Variants in PARP10 observed in about 807,000 individuals in gnomAD.
PARP10 encodes poly(ADP-ribose) polymerase family member 10.
PARP10 carries 56 observed loss-of-function variants against 82.4 expected under a neutral mutation model. The ratio of observed to expected loss-of-function variants is 0.68; its 90% CI spans 0.55 to 0.85. The LOEUF (loss-of-function observed/expected upper bound fraction) is 0.85, where lower values mean the gene tolerates loss of function less well. PARP10 is among the 40% of genes least tolerant of loss of function. The probability of loss-of-function intolerance (pLI) is 0.00; values close to 1 mark genes in which losing one functional copy is unlikely to be tolerated. For synonymous variants in PARP10, 576 were observed against 601.1 expected (o/e 0.96, Z 0.61); for missense variants, 1,227 against 1,379.4 (o/e 0.89, Z 1.75).
rs782812150 is a variant in PARP10, at chr8:143,983,341, G to C, written c.2248C>G (p.Leu750Val). 5 of 1,610,024 alleles carry C rather than the reference G, an allele frequency of 3.1e-6. No homozygotes were observed. The African/African-American group carries it at 6.7e-5, about 21-fold the overall frequency. Residue 750 changes from leucine to valine, a missense_variant, in exon 8 of 11, where the codon CTG (leucine) becomes GTG (valine). Leu to Val is a conservative substitution (Grantham distance 32). Transcript: ENST00000313028. ...GPWRRTLPAE[L>V]RARLERCHGV... Reference sequence around the variant, plus strand: ...TGGCACCGCTCCAGGCGAGCACGCAGCTCTGCAGGCAGTGTGCGGCGCCAG... The same window carrying C: ...TGGCACCGCTCCAGGCGAGCACGCACCTCTGCAGGCAGTGTGCGGCGCCAG...
upstream of PARP10, chr8:143,992,600 T>C: frequency 6.2e-7 from 1 of 1,614,132 alleles, no homozygotes; most frequent in Non-Finnish European, 8.5e-7. Flanking sequence ...CGCTCTGCTC[T>C]TCACCTGCGT....
At chr8:143,991,197 T>C (rs113143709), upstream of PARP10, 4 of 1,531,258 alleles carry the variant, frequency 2.6e-6, no homozygotes, top group South Asian at 5.0e-5. Context: ...CTGTCTTCTC[T>C]AGGGGCGGAC....
chr8:143,984,737 C>G lies in PARP10; in HGVS notation c.1265G>C (p.Gly422Ala). ...GLVGPMEITM[G>A]SLEKAGPVSP... ...CACAGGCCCTGCCTTCTCCAGAGAC[C>G]CCATGGTGATCTCCATGGGACCCAC... The change falls in exon 5 of 11, where the codon GGG (glycine) becomes GCG (alanine). Residue 422 changes from glycine (G) to alanine (A), a missense_variant. Transcript: ENST00000313028. 1 of 1,613,624 alleles carries G rather than the reference C, an allele frequency of 6.2e-7. No individual in the cohort carries two copies. The highest frequency in any genetic ancestry group is 1.6e-4 in the Middle Eastern group (1 of 6,062).
upstream of PARP10, among the ~76,000 whole-genome samples, chr8:143,994,523 C>T (rs1484256045): frequency 6.6e-6 from 1 of 152,238 alleles, no homozygotes; most frequent in African/African-American, 2.4e-5. Flanking sequence ...GCCCTGCCAT[C>T]TGCCCACTGG....
chr8:143,994,330 C>T (rs563767198), upstream of PARP10, among the ~76,000 whole-genome samples: 31 of 152,340 alleles, frequency 2.0e-4, no homozygotes, highest in East Asian at 5.4e-3. Context: ...CAGGGGCTGC[C>T]CCGCTTCCCT....
intron 1 of PARP10, among the ~76,000 whole-genome samples, chr8:143,998,360 C>G (rs1554751446): frequency 6.6e-6 from 1 of 152,202 alleles, no homozygotes; most frequent in South Asian, 2.1e-4. Context: ...AACCCAGACT[C>G]CGCTCAGCTC....
At chr8:143,983,969 G>A in intron 7 of PARP10, 39 bp downstream of exon 7, 2 of 1,488,786 alleles carry the variant, frequency 1.3e-6, no homozygotes, top group Non-Finnish European at 1.8e-6. Context: ...GGTCAAGTGA[G>A]GGCCACAGGA....
chr8:143,989,997 GC>G (rs1210369333), upstream of PARP10: 9 of 132,222 alleles, frequency 6.8e-5, no homozygotes, highest in Non-Finnish European at 1.6e-5. The surrounding 1 kb of genome is among the most constrained non-coding windows in gnomAD (Gnocchi z 4.3). Flanking sequence ...CGGAAGCCCC[GC>G]CCACCTGCCC....
At chr8:143,992,189 G>A (rs782251460), upstream of PARP10, 34 of 1,600,010 alleles carry the variant, frequency 2.1e-5, no homozygotes, top group African/African-American at 3.7e-4. Flanking sequence ...GGCAGGGGCC[G>A]GCAGGGGTGG....
chr8:143,984,137 C>G (rs1480319108), intron 6 of PARP10, 33 bp from the exon 7 acceptor site: 28 of 1,565,334 alleles, frequency 1.8e-5, no homozygotes, highest in Non-Finnish European at 2.3e-5. Context: ...CCACTAGCCT[C>G]TGGGCAAGGG....
Position 143,984,892 on chromosome 8 carries a change from C to T in PARP10, c.1110G>A (p.Leu370=). ...GGCTCATGGGCCCCTCCTGTTCCTG[C>T]AACCCCACAGGCCTCAGGCTTACCA... ...EGLVSLRPVG[L]QEQEGPMSLG... The change falls in exon 5 of 11, where the codon TTG becomes TTA. Residue 370 remains leucine (L), a synonymous_variant. Coordinates refer to ENST00000313028, the MANE Select transcript of PARP10 (RefSeq NM_032789.5). 6.2e-7 allele frequency: 1 copy of T among 1,613,822 alleles called. No homozygotes were observed. The highest frequency in any genetic ancestry group is 8.5e-7 in the Non-Finnish European group (1 of 1,179,936).
At position 143,984,342 on chromosome 8, in the gene PARP10, C is replaced by T; in HGVS notation, c.1548G>A (p.Glu516=). The T allele has an allele frequency of 1.2e-6, 2 of 1,613,824 alleles. No homozygotes were observed. The highest frequency in any genetic ancestry group is 1.3e-5 in the African/African-American group (1 of 75,054). ...GSISCHVLCL[E]HPGSARFLLG... is the part of the protein sequence containing the mutation. ...GGAGAAACCTGGCGCTGCCCGGGTG[C>T]TCCAGGCACAACACATGGCAGCTAA... Residue 516 remains glutamate, a synonymous_variant, in exon 6 of 11, where the codon GAG becomes GAA. Transcript: ENST00000313028.
In PARP10 at chr8:143,977,640, G is replaced by T. The variant is rs1554746530; in HGVS notation, c.2922C>A (p.Arg974=). 6.3e-7 allele frequency: 1 copy of T among 1,593,372 alleles called. No homozygotes were observed. Among genetic ancestry groups the T allele is most frequent in the African/African-American group, 1.3e-5 (1 of 74,558 alleles). The part of the protein sequence containing the change: ...PLRGPGHVLL[R]YDSAVDCICQ... ...AGATGCAGTCCACGGCGCTGTCGTAGCGCAGGAGCACGTGGCCAGGACCCC... is the reference window on the plus strand; with the variant it reads ...AGATGCAGTCCACGGCGCTGTCGTATCGCAGGAGCACGTGGCCAGGACCCC... The change falls in exon 11 of 11, where the codon CGC becomes CGA. Residue 974 remains arginine, a synonymous_variant. Transcript: ENST00000313028.
intron 1 of PARP10, among the ~76,000 whole-genome samples, chr8:144,006,820 G>A (rs1834239562): frequency 6.6e-6 from 1 of 152,222 alleles, no homozygotes; most frequent in Non-Finnish European, 1.5e-5. Flanking sequence ...CAGGTCTGCA[G>A]GCACCTTGAC....
At position 143,985,810 on chromosome 8, in the gene PARP10, G is replaced by A. The variant is rs1280680313; in HGVS notation, c.347C>T (p.Ser116Leu). The A allele has an allele frequency of 6.2e-6, 10 of 1,611,934 alleles. No individual in the cohort carries two copies. Among genetic ancestry groups the A allele is most frequent in the South Asian group, 1.1e-5 (1 of 91,050 alleles). Reference protein sequence around the residue: ...EQHVQALLRASGLPVQPCCAL... With the variant: ...EQHVQALLRALGLPVQPCCAL... ...ACAGCAAGGCTGTACTGGGAGCCCC[G>A]AGGCCCGCAGCAAGGCCTGGACATG... The change falls in exon 3 of 11, where the codon TCG (serine) becomes TTG (leucine). Residue 116 changes from serine to leucine, a missense_variant. Transcript: ENST00000313028.
At chr8:144,007,679 A>AC (rs1341895760) in intron 1 of PARP10, among the ~76,000 whole-genome samples, 5 of 151,114 alleles carry the variant, frequency 3.3e-5, no homozygotes, top group Admixed American at 2.0e-4. Context: ...TCAGAAAGAC[A>AC]CCCCCCCACT....
chr8:143,985,258 G>A lies in PARP10; in HGVS notation c.744C>T (p.Asp248=), dbSNP rs1554748999. 5 of 1,613,910 alleles carry A rather than the reference G, an allele frequency of 3.1e-6. No homozygotes were observed. The highest frequency in any genetic ancestry group is 4.2e-6 in the Non-Finnish European group (5 of 1,179,950). Residue 248 remains aspartate (D), a synonymous_variant, in exon 5 of 11, where the codon GAC becomes GAT. Coordinates refer to ENST00000313028, the MANE Select transcript of PARP10 (RefSeq NM_032789.5). ...GSELSLVPHY[D]ILEPEELAEN... ...CAGCCAGCTCCTCGGGCTCCAGGAT[G>A]TCGTAGTGGGGGACAAGGCTCAGCT...
chr8:143,983,674 GCTC>G lies in PARP10; in HGVS notation c.1912_1914del (p.Glu638del), dbSNP rs1554748367. ...GGTGCCACAGTGCTGGGGGCCACAG[GCTC>G]CTCCTCCTCATGCCCTGGGGTCACC... is the stretch of plus-strand genomic sequence containing the variant. On this transcript the variant is annotated inframe_deletion, in exon 8 of 11. Coordinates refer to ENST00000313028, the MANE Select transcript of PARP10 (RefSeq NM_032789.5). 2 of 1,609,226 alleles carry G rather than the reference GCTC, an allele frequency of 1.2e-6. No homozygotes were observed. The highest frequency in any genetic ancestry group is 8.5e-7 in the Non-Finnish European group (1 of 1,177,642).
rs1834251966 is a variant in PARP10 at position 144,008,825 on chromosome 8, T to C, written c.-80+3705A>G. On this transcript the variant is annotated intron_variant, in intron 1 of 3. Coordinates refer to the PARP10 transcript ENST00000530478. This position sits in a 1 kb window ranked among gnomAD's most constrained non-coding sequence, Gnocchi z 4.0. ...TATACCAAGCTCAAACCCAACAGAC[T>C]TGGATACCAAAGGACACTTTGTATA... Among the ~76,000 whole-genome samples the C allele has an allele frequency of 6.6e-6, 1 of 152,022 alleles. No homozygotes were observed. The highest frequency in any genetic ancestry group is 2.4e-5 in the African/African-American group (1 of 41,354).
Sources: gnomAD v4.1 joint callset for allele counts (sites outside exome capture counted in the v4.1 genomes callset) on GRCh38, gnomAD v4.1.1 for gene constraint, Gnocchi (gnomAD v3.1) non-coding constraint, MANE v1.5 for transcripts, NCBI Gene and HGNC (gene_info 2026-07-23, HGNC 2026-07-21) for gene names.